BOP1: variants seen among roughly 807,000 people sequenced by gnomAD.
BOP1 encodes ribosome biogenesis protein BOP1.
A neutral mutation model predicts 82.9 loss-of-function variants in BOP1; 54 were observed. The observed-to-expected ratio is 0.65, with a 90% CI of 0.52 to 0.82. The LOEUF is 0.82. BOP1 is among the 40% of genes least tolerant of loss of function. The probability of loss-of-function intolerance (pLI) is 0.00; values close to 1 mark genes in which losing one functional copy is unlikely to be tolerated. For missense variants in BOP1, 1,170 were observed against 1,072.0 expected, an observed-to-expected ratio of 1.09 and a Z score of -1.28; for synonymous variants, 566 against 451.1, an observed-to-expected ratio of 1.25 and a Z score of -3.23.
intron 3 of BOP1, among the ~76,000 whole-genome samples, chr8:144,270,127 G>A (rs1308856021): frequency 2.0e-5 from 3 of 152,156 alleles, no homozygotes; most frequent in Admixed American, 2.0e-4. Context: ...AAGTCTCCAG[G>A]GCAGGGACAT....
rs1347791873 is a variant in BOP1, at chr8:144,268,146, G to C, written c.391-3075C>G. The C allele has an allele frequency of 1.9e-6, 3 of 1,551,050 alleles. No homozygotes were observed. The African/African-American group carries it at 4.1e-5, about 21-fold the overall frequency. On this transcript the variant is annotated intron_variant, in intron 3 of 15. Transcript: ENST00000569669. ...AAAGACAGCGATTCGCAGTTAGGAG[G>C]TGGCCGGCAGCAGCCAGGAGGCAGA...
chr8:144,274,164 G>T (rs1212050202), intron 3 of BOP1, among the ~76,000 whole-genome samples: 3 of 151,508 alleles, frequency 2.0e-5, no homozygotes, highest in African/African-American at 7.4e-5. Context: ...ACGCGCTCCA[G>T]CTGAGATCGC....
At chr8:144,268,559 G>A (rs1340594809) in intron 3 of BOP1, 6 of 258,324 alleles carry the variant, frequency 2.3e-5, no homozygotes, top group Non-Finnish European at 3.7e-5. Context: ...CCCACCCTTG[G>A]TGGTCCCATC....
intron 2 of BOP1, among the ~76,000 whole-genome samples, chr8:144,279,585 G>A (rs1323811025): frequency 6.6e-6 from 1 of 152,222 alleles, no homozygotes; most frequent in Non-Finnish European, 1.5e-5. Context: ...TGGGGGAAGA[G>A]ACTATTTGGC....
chr8:144,281,093 A>ATACCAGGTCTTAGGCCTTCTCTCACTTTC lies in BOP1; in HGVS notation c.310-4790_310-4789insGAAAGTGAGAGAAGGCCTAAGACCTGGTA, dbSNP rs1845669144. On this transcript the variant is annotated intron_variant, in intron 2 of 15. Coordinates refer to ENST00000569669, the MANE Select transcript of BOP1 (RefSeq NM_015201.5). ...CAGGTCTTCGGCCTTCTCTCACTTTAATACCAGGTCTTCGGCCTTCTCTCA... is the reference window on the plus strand; with the variant it reads ...CAGGTCTTCGGCCTTCTCTCACTTTATACCAGGTCTTAGGCCTTCTCTCACTTTCATACCAGGTCTTCGGCCTTCTCTCA... 8.6e-4 allele frequency among the ~76,000 whole-genome samples: 64 copies of ATACCAGGTCTTAGGCCTTCTCTCACTTTC among 74,846 alleles called. 5 individuals carry two copies. Among genetic ancestry groups the ATACCAGGTCTTAGGCCTTCTCTCACTTTC allele is most frequent in the Non-Finnish European group, 1.5e-3 (49 of 32,066 alleles). 49.1% of individuals were successfully genotyped at this position (74,846 alleles called of 152,430 possible). A position where few individuals can be genotyped will look rare whatever the true frequency, so the allele number is the denominator to read the frequency against.
intron 7 of BOP1, 28 bp from the exon 8 acceptor site, chr8:144,264,170 GAGGGTCACAGGGAAGCATGGGGAC>G: frequency 2.5e-6 from 4 of 1,610,212 alleles, no homozygotes; most frequent in Admixed American, 1.7e-5. Flanking sequence ...CAGGGGTGGG[GAGGGTCACAGGGAAGCATGGGGAC>G]AGGGTCCCGG....
intron 3 of BOP1, chr8:144,267,964 G>A (rs1478915467): frequency 3.0e-6 from 4 of 1,324,710 alleles, no homozygotes; most frequent in East Asian, 2.5e-5. Context: ...TCCCCAAAAC[G>A]CTTGAGGGAA....
chr8:144,286,067 C>T (rs1348747830), intron 2 of BOP1, among the ~76,000 whole-genome samples: 3 of 152,240 alleles, frequency 2.0e-5, no homozygotes, highest in African/African-American at 7.2e-5. Context: ...AAAGGACTCC[C>T]ACCATTCAAG....
At chr8:144,277,777 C>T (rs1845590167) in intron 2 of BOP1, among the ~76,000 whole-genome samples, 1 of 61,044 alleles carries the variant, frequency 1.6e-5, no homozygotes, top group African/African-American at 3.4e-5. Context: ...CTCAGCCAGG[C>T]CCAGCGCCCG....
In BOP1 at chr8:144,291,364, C is replaced by T. The variant is rs1815069454; in HGVS notation, c.7G>A (p.Gly3Ser). 3 of 1,242,708 alleles carry T rather than the reference C, an allele frequency of 2.4e-6. No individual in the cohort carries two copies. The highest frequency in any genetic ancestry group is 1.6e-5 in the African/African-American group (1 of 62,998). The allele number at this position is 1,242,708 out of a possible 1,614,324, so 77.0% of individuals were successfully genotyped here. ...GCCGTGCGCCCCGCACCCCGCGAAC[C>T]CGCCATGCCCCACCGCGCGCCGGCC... Reference protein sequence around the residue: MAGSRGAGRTAAP... With the variant: MASSRGAGRTAAP... The change falls in exon 1 of 16, where the codon GGT becomes AGT. Residue 3 changes from glycine to serine, a missense_variant. Physicochemically the swap from Gly to Ser is moderately conservative, Grantham distance 56. Transcript: ENST00000569669. This position sits in a 1 kb window ranked among gnomAD's most constrained non-coding sequence, Gnocchi z 4.1.
chr8:144,266,995 G>A, intron 3 of BOP1: 1 of 1,546,554 alleles, frequency 6.5e-7, no homozygotes, highest in Non-Finnish European at 8.7e-7. Context: ...CTCGCACCTG[G>A]GCAACGTGCT....
intron 2 of BOP1, among the ~76,000 whole-genome samples, chr8:144,286,344 G>A (rs1389400747): frequency 2.0e-5 from 3 of 151,638 alleles, no homozygotes; most frequent in Non-Finnish European, 4.4e-5. Context: ...GCCATGGCAG[G>A]GCAGGGCCTC....
chr8:144,277,985 G>A (rs947395953), intron 2 of BOP1, among the ~76,000 whole-genome samples: 8 of 152,302 alleles, frequency 5.3e-5, no homozygotes, highest in South Asian at 2.1e-4. Flanking sequence ...CCCACGCCAC[G>A]CTCCGGACTC....
In BOP1 at chr8:144,263,931, G is replaced by C; in HGVS notation, c.1141-20C>G. On this transcript the variant is annotated intron_variant, in intron 8 of 15. Transcript: ENST00000569669. Reference sequence around the variant, plus strand: ...ATTCACCTGGGGCAGGAGAGCGCCAGGTCAGCCTTGCCCCCTGTGCCACCC... The same window carrying C: ...ATTCACCTGGGGCAGGAGAGCGCCACGTCAGCCTTGCCCCCTGTGCCACCC... 6.2e-7 allele frequency: 1 copy of C among 1,611,254 alleles called. No individual in the cohort carries two copies. The highest frequency in any genetic ancestry group is 8.5e-7 in the Non-Finnish European group (1 of 1,179,250).
intron 2 of BOP1, among the ~76,000 whole-genome samples, chr8:144,276,543 G>A (rs1185324739): frequency 6.6e-6 from 1 of 152,152 alleles, no homozygotes; most frequent in Non-Finnish European, 1.5e-5. Flanking sequence ...GCAGCCTCCC[G>A]GGGCCTCTGT....
intron 3 of BOP1, among the ~76,000 whole-genome samples, chr8:144,271,025 C>T (rs1564597943): frequency 6.6e-6 from 1 of 152,054 alleles, no homozygotes; most frequent in East Asian, 1.9e-4. Context: ...GCAGCACCTG[C>T]GGGCTGCCAG....
chr8:144,286,728 C>T (rs1814888080), intron 2 of BOP1, among the ~76,000 whole-genome samples: 1 of 152,266 alleles, frequency 6.6e-6, no homozygotes, highest in South Asian at 2.1e-4. Context: ...GAGGACCGCC[C>T]CACCAGCCCG....
chr8:144,262,917 C>T lies in BOP1; in HGVS notation c.1830G>A (p.Gln610=), dbSNP rs1384717377. The part of the protein sequence containing the change: ...RSVRLYHLLR[Q]ELTKKLMPNC... Reference sequence around the variant, plus strand: ...TGGGCATCAGCTTCTTGGTGAGCTCCTGGCGCAGCAGGTGGTAGAGGCGGA... The same window carrying T: ...TGGGCATCAGCTTCTTGGTGAGCTCTTGGCGCAGCAGGTGGTAGAGGCGGA... The change falls in exon 13 of 16, where the codon CAG becomes CAA. Residue 610 remains glutamine, a synonymous_variant. Transcript: ENST00000569669. 9 of 1,550,736 alleles carry T rather than the reference C, an allele frequency of 5.8e-6. No homozygotes were observed. The highest frequency in any genetic ancestry group is 7.8e-6 in the Non-Finnish European group (9 of 1,154,992).
intron 3 of BOP1, chr8:144,267,259 G>A (rs1845395781): frequency 3.5e-6 from 5 of 1,415,766 alleles, no homozygotes; most frequent in East Asian, 3.0e-5. Flanking sequence ...AGGAGGCGAG[G>A]CCACACGGGC....
Sources: allele counts gnomAD v4.1 joint callset (sites outside exome capture counted in the v4.1 genomes callset), GRCh38; gene constraint gnomAD v4.1.1; non-coding constraint Gnocchi (gnomAD v3.1); transcripts MANE v1.5; gene names NCBI Gene and HGNC (gene_info 2026-07-23, HGNC 2026-07-21).